HERC1: variants seen among roughly 807,000 people sequenced by gnomAD.
HERC1 encodes HECT and RLD domain containing E3 ubiquitin protein ligase family member 1, also known as probable E3 ubiquitin-protein ligase HERC1.
A neutral mutation model predicts 554.3 loss-of-function variants in HERC1; 160 were observed. That is an observed-to-expected ratio of 0.29 (90% confidence interval 0.25 to 0.33). The LOEUF (loss-of-function observed/expected upper bound fraction) is 0.33, where lower values mean the gene tolerates loss of function less well. HERC1 is among the 10% of genes least tolerant of loss of function. The pLI, the probability that HERC1 is intolerant of heterozygous loss-of-function variation, is 1.00. For missense variants in HERC1, 4,919 were observed against 5,918.5 expected (o/e 0.83, Z 5.54); for synonymous variants, 2,175 against 2,131.7 (o/e 1.02, Z -0.56).
At chr15:63,763,210 A>G (rs1210585086) in intron 3 of HERC1, among the ~76,000 whole-genome samples, 2 of 152,182 alleles carry the variant, frequency 1.3e-5, no homozygotes, top group African/African-American at 4.8e-5. Flanking sequence ...GATCACCCCA[A>G]CACTAATAAA....
chr15:63,632,876 A>G (rs1490185596), intron 67 of HERC1, 65 bp from the exon 68 acceptor site: 1 of 1,106,946 alleles, frequency 9.0e-7, no homozygotes, highest in Non-Finnish European at 1.3e-6. Flanking sequence ...GAATTTGCCT[A>G]ATGGCATGTA....
intron 1 of HERC1, among the ~76,000 whole-genome samples, chr15:63,799,222 C>G (rs1012771525): frequency 6.6e-6 from 1 of 152,122 alleles, no homozygotes; most frequent in Non-Finnish European, 1.5e-5. Context: ...AGCTATTGGC[C>G]AGGCACAGTG....
chr15:63,640,058 G>T, intron 61 of HERC1, 94 bp downstream of exon 61: 2 of 1,190,656 alleles, frequency 1.7e-6, no homozygotes, highest in Non-Finnish European at 2.4e-6. Flanking sequence ...TTCTAGCCAT[G>T]CATACCAGCA....
chr15:63,682,294 A>G (rs2071518495), intron 34 of HERC1, among the ~76,000 whole-genome samples: 1 of 152,212 alleles, frequency 6.6e-6, no homozygotes, highest in South Asian at 2.1e-4. Context: ...CTTGCTAGCT[A>G]AAGTTAGGAA....
intron 22 of HERC1, among the ~76,000 whole-genome samples, chr15:63,715,861 C>G (rs2073528923): frequency 6.6e-6 from 1 of 152,204 alleles, no homozygotes; most frequent in Non-Finnish European, 1.5e-5. Context: ...GCAGTGTAGT[C>G]AGTGGGTGAA....
intron 2 of HERC1, among the ~76,000 whole-genome samples, chr15:63,769,307 T>C (rs1344033306): frequency 6.6e-6 from 1 of 151,510 alleles, no homozygotes; most frequent in African/African-American, 2.4e-5. Flanking sequence ...TAATCCCAGC[T>C]ACTCATGAGG....
intron 37 of HERC1, among the ~76,000 whole-genome samples, chr15:63,675,602 A>G (rs947989032): frequency 2.0e-5 from 3 of 152,226 alleles, no homozygotes; most frequent in Non-Finnish European, 2.9e-5. Context: ...TAGTTTATAA[A>G]TGGTTACTTA....
At position 63,671,883 on chromosome 15, in the gene HERC1, A is replaced by G. The variant is rs2070946119; in HGVS notation, c.8045+613T>C. 2.0e-5 allele frequency among the ~76,000 whole-genome samples: 3 copies of G among 152,230 alleles called. No homozygotes were observed. In the South Asian group the frequency reaches 6.2e-4, roughly 32 times the overall value. On this transcript the variant is annotated intron_variant, in intron 39 of 77. Coordinates refer to ENST00000443617, the MANE Select transcript of HERC1 (RefSeq NM_003922.4). ...TAAGTCATAGTTAAGAGAGCTCATA[A>G]AACAGTCTCTTCCCTGAAGGCTCTT...
chr15:63,765,712 AAACC>A (rs1324227048), intron 2 of HERC1, among the ~76,000 whole-genome samples: 5 of 152,176 alleles, frequency 3.3e-5, no homozygotes, highest in African/African-American at 1.2e-4. Context: ...CTTTCAGATC[AAACC>A]AATAAGATCT....
intron 24 of HERC1, among the ~76,000 whole-genome samples, chr15:63,710,857 A>G (rs1339133878): frequency 3.9e-5 from 6 of 152,218 alleles, no homozygotes; most frequent in Non-Finnish European, 8.8e-5. Context: ...GCAACAGCTA[A>G]GAGTCCAGTG....
At chr15:63,664,033 A>G (rs571349980) in intron 43 of HERC1, among the ~76,000 whole-genome samples, 36 of 152,356 alleles carry the variant, frequency 2.4e-4, no homozygotes, top group African/African-American at 8.7e-4. Flanking sequence ...TAATGAGGGA[A>G]TCTGGTCCTT....
chr15:63,755,930 T>C (rs1481083931), intron 5 of HERC1, among the ~76,000 whole-genome samples: 1 of 152,160 alleles, frequency 6.6e-6, no homozygotes. Flanking sequence ...CAGGTCTCTA[T>C]TAAGATGCCA....
At chr15:63,725,628 T>C (rs909116564) in intron 17 of HERC1, 115 bp from the exon 18 acceptor site, 2 of 731,898 alleles carry the variant, frequency 2.7e-6, no homozygotes, top group African/African-American at 3.6e-5. Context: ...TATTTTATGA[T>C]GAAAACACAA....
At chr15:63,618,411 G>T (rs1219460175) in intron 74 of HERC1, among the ~76,000 whole-genome samples, 9 of 151,752 alleles carry the variant, frequency 5.9e-5, no homozygotes, top group African/African-American at 7.3e-5. Flanking sequence ...TGTAGCCTTG[G>T]AGTATAGTTT....
At chr15:63,789,827 A>AATAAATAAATAAATAG (rs2076582683) in intron 1 of HERC1, among the ~76,000 whole-genome samples, 1 of 150,636 alleles carries the variant, frequency 6.6e-6, no homozygotes, top group Admixed American at 6.6e-5. Context: ...TAAATAAATA[A>AATAAATAAATAAATAG]ATAAATAAAT....
chr15:63,723,388 A>T (rs2073902191), intron 18 of HERC1, 33 bp from the exon 19 acceptor site: 1 of 1,432,270 alleles, frequency 7.0e-7, no homozygotes, highest in Admixed American at 2.5e-5. Context: ...CAATTTTAAC[A>T]TCATAAATTT....
rs2071262362 is a variant in HERC1, at chr15:63,677,332, AAAATGT to A, written c.7070+507_7070+512del. On this transcript the variant is annotated intron_variant, in intron 37 of 77. Coordinates refer to ENST00000443617, the MANE Select transcript of HERC1 (RefSeq NM_003922.4). This position sits in a 1 kb window ranked among gnomAD's most constrained non-coding sequence, Gnocchi z 4.4. ...ATAAATGTAACTTTCACATCTAATC[AAAATGT>A]TTACATTGAGGGGATAGAAATATGT... 6.6e-6 allele frequency among the ~76,000 whole-genome samples: 1 copy of A among 152,262 alleles called. No homozygotes were observed. The highest frequency in any genetic ancestry group is 1.5e-5 in the Non-Finnish European group (1 of 68,044).
At position 63,645,047 on chromosome 15, in the gene HERC1, G is replaced by A. The variant is rs1244166182; in HGVS notation, c.11129C>T (p.Thr3710Ile). 1 of 1,613,756 alleles carries A rather than the reference G, an allele frequency of 6.2e-7. No homozygotes were observed. Among genetic ancestry groups the A allele is most frequent in the Admixed American group, 1.7e-5 (1 of 60,022 alleles). Residue 3710 changes from threonine to isoleucine, a missense_variant, in exon 57 of 78, where the codon ACA becomes ATA. Physicochemically the swap from Thr to Ile is moderately conservative, Grantham distance 89 (BLOSUM62 -1). Around this residue, in one of 11 missense-constraint regions of HERC1, gnomAD observed 1,963 missense variants for 2,228.6 expected, o/e 0.88. Coordinates refer to ENST00000443617, the MANE Select transcript of HERC1 (RefSeq NM_003922.4). ...VCVWRIPQDT[T>I]QTNVTSAEGW... Reference sequence around the variant, plus strand: ...TTCTGCACTAGTCACATTGGTCTGTGTAGTATCTTGAGGAATGCGCCAAAC... The same window carrying A: ...TTCTGCACTAGTCACATTGGTCTGTATAGTATCTTGAGGAATGCGCCAAAC...
chr15:63,716,369 C>G lies in HERC1; in HGVS notation c.4083G>C (p.Arg1361=), dbSNP rs1394013533. The change falls in exon 22 of 78, where the codon CGG becomes CGC. Residue 1361 remains arginine (R), a synonymous_variant. Transcript: ENST00000443617. The stretch of plus-strand genomic sequence containing the variant: ...CCTCTGGCTCCGGATGCCCCTCTTC[C>G]CGGTCTCTCTCAGCCTGTTCTTCCA... ...AEMEEQAERD[R]EEGHPEPEDE... 6.2e-7 allele frequency: 1 copy of G among 1,613,860 alleles called. No individual in the cohort carries two copies. The highest frequency in any genetic ancestry group is 2.2e-5 in the East Asian group (1 of 44,872).
Sources: allele counts gnomAD v4.1 joint callset (sites outside exome capture counted in the v4.1 genomes callset), GRCh38; gene constraint gnomAD v4.1.1; regional missense constraint gnomAD v4.1.1; non-coding constraint Gnocchi (gnomAD v3.1); transcripts MANE v1.5; gene names NCBI Gene and HGNC (gene_info 2026-07-23, HGNC 2026-07-21).